The following CAP2 variants were observed in gnomAD, a reference collection of about 807,000 sequenced individuals.
CAP2 encodes cyclase associated actin cytoskeleton regulatory protein 2.
A neutral mutation model predicts 57.7 loss-of-function variants in CAP2; 24 were observed. The ratio of observed to expected loss-of-function variants is 0.42; its 90% CI spans 0.30 to 0.58. The LOEUF is 0.58. Ranked by LOEUF, CAP2 falls within the 20% of genes least tolerant of loss-of-function variation. The pLI, the probability that CAP2 is intolerant of heterozygous loss-of-function variation, is 0.22. For missense variants in CAP2, 501 were observed against 590.3 expected, an observed-to-expected ratio of 0.85 and a Z score of 1.57; for synonymous variants, 194 against 207.2, an observed-to-expected ratio of 0.94 and a Z score of 0.55.
chr6:17,509,402 G>A (rs1324337046), intron 6 of CAP2, among the ~76,000 whole-genome samples: 1 of 152,140 alleles, frequency 6.6e-6, no homozygotes, highest in African/African-American at 2.4e-5. Context: ...AGCAGACCAG[G>A]TGTGGTGGCT....
chr6:17,422,127 T>C (rs1759467326), intron 2 of CAP2, among the ~76,000 whole-genome samples: 2 of 152,258 alleles, frequency 1.3e-5, no homozygotes, highest in Non-Finnish European at 1.5e-5. Flanking sequence ...ACTAAATATG[T>C]TATCTACATA....
In CAP2 at chr6:17,480,892, A is replaced by G. The variant is rs1449018423; in HGVS notation, c.300+17819A>G. 7.4e-5 allele frequency among the ~76,000 whole-genome samples: 11 copies of G among 147,958 alleles called. No individual in the cohort carries two copies. The Admixed American group carries it at 7.5e-4, about 10-fold the overall frequency. On this transcript the variant is annotated intron_variant, in intron 4 of 12. Transcript: ENST00000229922. ...TGATTTCAAGTGATTCTCCTGCCTC[A>G]GCCTCCTGCCTGAGTAGCTGGGATT...
At chr6:17,524,539 C>A (rs536265159) in intron 7 of CAP2, among the ~76,000 whole-genome samples, 27 of 152,326 alleles carry the variant, frequency 1.8e-4, no homozygotes, top group African/African-American at 6.5e-4. Context: ...ACCATAGGAA[C>A]TGTGCCCAGA....
At chr6:17,515,212 G>A (rs182165355) in intron 7 of CAP2, among the ~76,000 whole-genome samples, 2 of 151,466 alleles carry the variant, frequency 1.3e-5, no homozygotes, top group African/African-American at 4.8e-5. Context: ...AAAAAAAAAT[G>A]TGTGATAGAA....
chr6:17,498,583 C>T (rs574427267), intron 4 of CAP2, among the ~76,000 whole-genome samples: 88 of 152,234 alleles, frequency 5.8e-4, no homozygotes, highest in African/African-American at 2.0e-3. Flanking sequence ...CTTCCTTTCT[C>T]CTGAAGATGT....
rs189341197 is a variant in CAP2, at chr6:17,508,964, G to A, written c.530+1238G>A. Among the ~76,000 whole-genome samples, 36 of 152,032 alleles carry A rather than the reference G, an allele frequency of 2.4e-4. No homozygotes were observed. The East Asian group carries it at 6.2e-3, about 26-fold the overall frequency. On this transcript the variant is annotated intron_variant, in intron 6 of 12. Coordinates refer to ENST00000229922, the MANE Select transcript of CAP2 (RefSeq NM_006366.3). ...GTAGAGACGGAGTTTCACCATATTG[G>A]CCAGATGGTCTCAATCTCTTGACCT...
intron 1 of CAP2, among the ~76,000 whole-genome samples, chr6:17,402,419 T>C (rs773509248): frequency 2.0e-5 from 3 of 152,236 alleles, no homozygotes; most frequent in Non-Finnish European, 4.4e-5. Flanking sequence ...CAAATGACTG[T>C]AATGCCTGAG....
At chr6:17,463,703 T>C (rs1760789243) in intron 4 of CAP2, among the ~76,000 whole-genome samples, 1 of 152,188 alleles carries the variant, frequency 6.6e-6, no homozygotes, top group African/African-American at 2.4e-5. Flanking sequence ...TCCTGCGTGA[T>C]GCCCATGCTG....
At chr6:17,458,817 G>T (rs1451164727) in intron 3 of CAP2, among the ~76,000 whole-genome samples, 1 of 148,236 alleles carries the variant, frequency 6.7e-6, no homozygotes, top group Non-Finnish European at 1.5e-5. Flanking sequence ...ATGAAATTAT[G>T]TATAGAAGAA....
intron 4 of CAP2, among the ~76,000 whole-genome samples, chr6:17,464,726 T>C (rs1351580932): frequency 1.3e-5 from 2 of 152,190 alleles, no homozygotes; most frequent in Non-Finnish European, 2.9e-5. Flanking sequence ...GGAGGCTCTG[T>C]AGAGATGAAA....
At chr6:17,507,418 CT>C in intron 5 of CAP2, 106 bp downstream of exon 5, 5 of 1,215,270 alleles carry the variant, frequency 4.1e-6, no homozygotes, top group Non-Finnish European at 5.9e-6. Context: ...AAGGAAGCTT[CT>C]TCCTGGGCTG....
intron 4 of CAP2, among the ~76,000 whole-genome samples, chr6:17,476,525 C>T (rs9477450): frequency 0.025 from 3,788 of 152,236 alleles, 134 homozygotes; most frequent in African/African-American, 0.082. Context: ...TTCTCTAATA[C>T]CACGCTTGAG....
chr6:17,556,366 T>G lies in CAP2; in HGVS notation c.1358T>G (p.Phe453Cys). ...GTTCTTGCCTTTTTCCAGAGAGAATTTCCCATTCCTGAACAGTTCAAGACA... is the reference window on the plus strand; with the variant it reads ...GTTCTTGCCTTTTTCCAGAGAGAATGTCCCATTCCTGAACAGTTCAAGACA... ...LIPQDGDYRE[F>C]PIPEQFKTAW... is the part of the protein sequence containing the mutation. The change falls in exon 13 of 13, where the codon TTT becomes TGT. Residue 453 changes from phenylalanine to cysteine, a missense_variant. By Grantham distance (205) the Phe-to-Cys change is radical. Coordinates refer to ENST00000229922, the MANE Select transcript of CAP2 (RefSeq NM_006366.3). The G allele has an allele frequency of 6.2e-7, 1 of 1,610,502 alleles. No homozygotes were observed. The highest frequency in any genetic ancestry group is 8.5e-7 in the Non-Finnish European group (1 of 1,176,884).
chr6:17,475,149 C>G (rs1046377328), intron 4 of CAP2, among the ~76,000 whole-genome samples: 14 of 150,170 alleles, frequency 9.3e-5, no homozygotes, highest in Non-Finnish European at 1.8e-4. Flanking sequence ...GAGCTGAGAT[C>G]GCACCACTGC....
At chr6:17,512,226 A>G (rs567386711) in intron 6 of CAP2, among the ~76,000 whole-genome samples, 1 of 152,072 alleles carries the variant, frequency 6.6e-6, no homozygotes, top group South Asian at 2.1e-4. Flanking sequence ...CTCCATCCCT[A>G]CAAAAAAATT....
intron 3 of CAP2, among the ~76,000 whole-genome samples, chr6:17,438,291 A>G (rs1034432255): frequency 4.0e-5 from 6 of 150,998 alleles, no homozygotes; most frequent in African/African-American, 1.5e-4. Context: ...GCCCCAACCC[A>G]GGAGGTGGAG....
intron 7 of CAP2, among the ~76,000 whole-genome samples, chr6:17,522,034 G>C (rs1762404576): frequency 6.6e-6 from 1 of 152,010 alleles, no homozygotes; most frequent in Admixed American, 6.6e-5. Flanking sequence ...GCTTGAACCT[G>C]GGAGGTGGAG....
chr6:17,446,998 G>C (rs1760274730), intron 3 of CAP2, among the ~76,000 whole-genome samples: 1 of 152,052 alleles, frequency 6.6e-6, no homozygotes, highest in Non-Finnish European at 1.5e-5. Flanking sequence ...GGGTGGACCT[G>C]GTTCATGAAT....
chr6:17,494,724 G>T (rs1381462116), intron 4 of CAP2, among the ~76,000 whole-genome samples: 1 of 152,134 alleles, frequency 6.6e-6, no homozygotes, highest in African/African-American at 2.4e-5. Flanking sequence ...GGGCCCTGGG[G>T]TGTCCAGATA....
Sources: allele counts gnomAD v4.1 joint callset (sites outside exome capture counted in the v4.1 genomes callset), GRCh38; gene constraint gnomAD v4.1.1; transcripts MANE v1.5; gene names NCBI Gene and HGNC (gene_info 2026-07-23, HGNC 2026-07-21).